NXPH1: variants seen among roughly 807,000 people sequenced by gnomAD.
The protein encoded by NXPH1 is neurexophilin-1.
NXPH1 carries 5 observed loss-of-function variants against 23.7 expected under a neutral mutation model. That is an observed-to-expected ratio of 0.21 (90% confidence interval 0.11 to 0.44). The LOEUF is 0.44. NXPH1 is among the 20% of genes least tolerant of loss of function. The pLI, the probability that NXPH1 is intolerant of heterozygous loss-of-function variation, is 0.99. For synonymous variants in NXPH1, 144 were observed against 122.2 expected (o/e 1.18, Z -1.18); for missense variants, 324 against 321.6 (o/e 1.01, Z -0.06).
intron 2 of NXPH1, among the ~76,000 whole-genome samples, chr7:8,451,873 T>A (rs1466210233): frequency 6.6e-6 from 1 of 152,242 alleles, no homozygotes; most frequent in Non-Finnish European, 1.5e-5. Context: ...TTCTTTTTCA[T>A]GATCCTTTCC....
At chr7:8,675,823 G>C (rs1820943521) in intron 2 of NXPH1, among the ~76,000 whole-genome samples, 1 of 152,130 alleles carries the variant, frequency 6.6e-6, no homozygotes, top group Non-Finnish European at 1.5e-5. Context: ...TCTTTCTTGT[G>C]TTTTAGGCCA....
chr7:8,715,558 C>T (rs62446342), intron 2 of NXPH1, among the ~76,000 whole-genome samples: 26,875 of 152,098 alleles, frequency 0.18, 2,523 homozygotes, highest in East Asian at 0.31. Flanking sequence ...TCAGCCAGAT[C>T]TCCTTTCAGG....
chr7:8,709,133 A>G (rs1011955892), intron 2 of NXPH1, among the ~76,000 whole-genome samples: 4 of 152,186 alleles, frequency 2.6e-5, no homozygotes, highest in Non-Finnish European at 4.4e-5. Flanking sequence ...TCCAAATAAG[A>G]GTATTTGTTA....
chr7:8,698,939 T>C (rs1048751127), intron 2 of NXPH1, among the ~76,000 whole-genome samples: 3 of 152,106 alleles, frequency 2.0e-5, no homozygotes, highest in African/African-American at 7.2e-5. Flanking sequence ...TTTTCAGAAG[T>C]TTATTCATTG....
At chr7:8,468,027 G>T (rs529200330) in intron 2 of NXPH1, among the ~76,000 whole-genome samples, 39 of 152,124 alleles carry the variant, frequency 2.6e-4, no homozygotes, top group African/African-American at 8.2e-4. Flanking sequence ...TGCGCAAAAA[G>T]AAAAATTTGT....
chr7:8,510,755 A>G (rs956234065), intron 2 of NXPH1, among the ~76,000 whole-genome samples: 2 of 152,120 alleles, frequency 1.3e-5, no homozygotes, highest in Non-Finnish European at 2.9e-5. Context: ...AACCACTATC[A>G]ATATTAATTT....
intron 2 of NXPH1, among the ~76,000 whole-genome samples, chr7:8,552,114 C>CAAAAAAAAA (rs34390317): frequency 7.1e-4 from 44 of 61,728 alleles, no homozygotes; most frequent in African/African-American, 1.2e-3. Flanking sequence ...GAAAAAAAAC[C>CAAAAAAAAA]AAAAAAAAAA....
intron 2 of NXPH1, among the ~76,000 whole-genome samples, chr7:8,635,813 T>G (rs1229896697): frequency 6.6e-6 from 1 of 152,184 alleles, no homozygotes; most frequent in African/African-American, 2.4e-5. Flanking sequence ...AAAAGTTTGG[T>G]CCAACTGAAT....
At chr7:8,634,524 T>C (rs1820186390) in intron 2 of NXPH1, among the ~76,000 whole-genome samples, 1 of 152,200 alleles carries the variant, frequency 6.6e-6, no homozygotes, top group African/African-American at 2.4e-5. Flanking sequence ...GTTTGTTTTG[T>C]TTTGCTATCA....
chr7:8,589,595 C>G (rs1248428073), intron 2 of NXPH1, among the ~76,000 whole-genome samples: 1 of 151,938 alleles, frequency 6.6e-6, no homozygotes, highest in Non-Finnish European at 1.5e-5. Context: ...GGGCAGGAGA[C>G]AAGAGCATTG....
chr7:8,489,236 A>G (rs7808413), intron 2 of NXPH1, among the ~76,000 whole-genome samples: 6,993 of 152,064 alleles, frequency 0.046, 436 homozygotes, highest in African/African-American at 0.14. Context: ...TCAGTGTTCT[A>G]TACAGAACTC....
At chr7:8,697,356 A>G (rs1455601167) in intron 2 of NXPH1, among the ~76,000 whole-genome samples, 2 of 152,088 alleles carry the variant, frequency 1.3e-5, no homozygotes, top group Non-Finnish European at 2.9e-5. Context: ...ATAATGGATT[A>G]TAAGGGTAAG....
chr7:8,621,670 G>C (rs1458008607), intron 2 of NXPH1, among the ~76,000 whole-genome samples: 1 of 151,964 alleles, frequency 6.6e-6, no homozygotes, highest in Non-Finnish European at 1.5e-5. Context: ...TATTTTAGTA[G>C]AGACAGGGTT....
At chr7:8,653,820 G>T (rs747338813) in intron 2 of NXPH1, among the ~76,000 whole-genome samples, 58 of 152,210 alleles carry the variant, frequency 3.8e-4, no homozygotes, top group Middle Eastern at 6.8e-3. Flanking sequence ...ATATACCATT[G>T]GACTTCATGC....
In NXPH1 at chr7:8,450,784, T is replaced by G. The variant is rs527236573; in HGVS notation, c.54+15017T>G. Among the ~76,000 whole-genome samples the G allele has an allele frequency of 3.2e-3, 488 of 152,382 alleles. 3 individuals carry two copies. Among genetic ancestry groups the G allele is most frequent in the Non-Finnish European group, 5.1e-3 (349 of 68,038 alleles). Reference sequence around the variant, plus strand: ...GTAAATGGTATACATGAAGGTCATATTCATATTCTCCGCAAGAATTCAAAA... The same window carrying G: ...GTAAATGGTATACATGAAGGTCATAGTCATATTCTCCGCAAGAATTCAAAA... On this transcript the variant is annotated intron_variant, in intron 2 of 2. Coordinates refer to ENST00000405863, the MANE Select transcript of NXPH1 (RefSeq NM_152745.3).
chr7:8,516,392 T>C (rs969145417), intron 2 of NXPH1, among the ~76,000 whole-genome samples: 1 of 152,178 alleles, frequency 6.6e-6, no homozygotes, highest in Admixed American at 6.5e-5. Flanking sequence ...AATATTTGTT[T>C]CGTTGTCTAC....
chr7:8,728,214 C>A (rs746535116), intron 2 of NXPH1, among the ~76,000 whole-genome samples: 7 of 152,154 alleles, frequency 4.6e-5, no homozygotes, highest in Non-Finnish European at 1.0e-4. Flanking sequence ...GCTGAAGTTG[C>A]TTATCAGCTT....
At chr7:8,568,993 T>G (rs892746714) in intron 2 of NXPH1, among the ~76,000 whole-genome samples, 1 of 151,906 alleles carries the variant, frequency 6.6e-6, no homozygotes, top group Admixed American at 6.6e-5. Context: ...TAAAAGCCTT[T>G]AAAATATTGA....
chr7:8,710,369 T>C (rs1191493409), intron 2 of NXPH1, among the ~76,000 whole-genome samples: 1 of 152,064 alleles, frequency 6.6e-6, no homozygotes, highest in Non-Finnish European at 1.5e-5. Flanking sequence ...TTGTGGTGGG[T>C]TTTCATCTTT....
Sources: gnomAD v4.1 joint callset for allele counts (sites outside exome capture counted in the v4.1 genomes callset) on GRCh38, gnomAD v4.1.1 for gene constraint, MANE v1.5 for transcripts, NCBI Gene and HGNC (gene_info 2026-07-23, HGNC 2026-07-21) for gene names.